Variants in MTCL2 observed in about 807,000 individuals in gnomAD.
MTCL2 encodes the protein microtubule crosslinking factor 2.
the MTCL2 span, among the ~76,000 whole-genome samples, chr20:36,799,624 A>G: frequency 6.6e-6 from 1 of 152,076 alleles, no homozygotes; most frequent in African/African-American, 2.4e-5. Context: ...CGGAGGTTGC[A>G]GTGAGCTGAG....
At chr20:36,838,893 C>T in the MTCL2 span, among the ~76,000 whole-genome samples, 46 of 151,892 alleles carry the variant, frequency 3.0e-4, no homozygotes, top group African/African-American at 1.0e-3. Context: ...CGCTTGATCC[C>T]GGGAGGCAGA....
the MTCL2 span, among the ~76,000 whole-genome samples, chr20:36,859,348 G>A: frequency 6.6e-6 from 1 of 152,246 alleles, no homozygotes; most frequent in South Asian, 2.1e-4. Context: ...GTGTCTGCTC[G>A]GCAGCTAAAG....
At chr20:36,850,888 A>G in the MTCL2 span, among the ~76,000 whole-genome samples, 1 of 152,244 alleles carries the variant, frequency 6.6e-6, no homozygotes, top group South Asian at 2.1e-4. Flanking sequence ...GATGAAAAGG[A>G]AAGAACTGCT....
the MTCL2 span, among the ~76,000 whole-genome samples, chr20:36,826,340 TCCCTCCCCCTC>T: frequency 4.1e-3 from 2 of 486 alleles, no homozygotes; most frequent in Non-Finnish European, 6.6e-3. Flanking sequence ...CCTCCCCCTC[TCCCTCCCCCTC>T]CCCCCTCCCC....
the MTCL2 span, among the ~76,000 whole-genome samples, chr20:36,856,124 T>C: frequency 5.9e-5 from 9 of 152,120 alleles, no homozygotes; most frequent in African/African-American, 2.2e-4. Context: ...CCCTCCAGCT[T>C]TTCCGTTTCA....
At chr20:36,810,086 G>A in the MTCL2 span, 1 of 1,597,778 alleles carries the variant, frequency 6.3e-7, no homozygotes, top group Non-Finnish European at 8.5e-7. Flanking sequence ...GCCTCAGCCA[G>A]CACCAGCTGC....
At chr20:36,805,766 G>A in the MTCL2 span, 1 of 1,169,354 alleles carries the variant, frequency 8.6e-7, no homozygotes, top group Non-Finnish European at 1.2e-6. Flanking sequence ...TCCAGGAATG[G>A]GGTCAGAGAA....
chr20:36,798,633 C>T, the MTCL2 span, among the ~76,000 whole-genome samples: 1 of 152,228 alleles, frequency 6.6e-6, no homozygotes, highest in African/African-American at 2.4e-5. Context: ...GCCCAAAAGG[C>T]AGACCCCTTG....
At chr20:36,860,145 C>G in the MTCL2 span, among the ~76,000 whole-genome samples, 343 of 152,230 alleles carry the variant, frequency 2.3e-3, 11 homozygotes, top group South Asian at 0.047. Context: ...TCCTCTCTTA[C>G]CCACACTCCT....
chr20:36,815,511 A>G, the MTCL2 span: 4 of 1,581,218 alleles, frequency 2.5e-6, no homozygotes, highest in Non-Finnish European at 3.4e-6. The surrounding 1 kb of genome is among the most constrained non-coding windows in gnomAD (Gnocchi z 5.3). Flanking sequence ...GGCTCTGCAG[A>G]GTCGGACCGC....
chr20:36,825,353 G>A, the MTCL2 span, among the ~76,000 whole-genome samples: 160 of 152,328 alleles, frequency 1.1e-3, 1 homozygote, highest in Non-Finnish European at 2.0e-3. Context: ...CACCATGTCC[G>A]TGGGAAGGCT....
chr20:36,831,055 A>G, the MTCL2 span, among the ~76,000 whole-genome samples: 1 of 152,100 alleles, frequency 6.6e-6, no homozygotes, highest in African/African-American at 2.4e-5. Context: ...TAGCAACAGC[A>G]CCCCATTCCT....
At chr20:36,859,798 G>C in the MTCL2 span, 1 of 1,231,692 alleles carries the variant, frequency 8.1e-7, no homozygotes, top group East Asian at 3.2e-5. Flanking sequence ...ACATACTGGG[G>C]ATTTGGAGTC....
At chr20:36,850,151 C>T in the MTCL2 span, among the ~76,000 whole-genome samples, 3 of 152,192 alleles carry the variant, frequency 2.0e-5, no homozygotes, top group East Asian at 3.9e-4. Context: ...GGCTCAGGGG[C>T]GGGGAGCTGG....
At chr20:36,855,518 G>A in the MTCL2 span, among the ~76,000 whole-genome samples, 30 of 152,170 alleles carry the variant, frequency 2.0e-4, no homozygotes, top group African/African-American at 7.0e-4. Flanking sequence ...AGTTCCTTCC[G>A]GCACCAAGGG....
the MTCL2 span, among the ~76,000 whole-genome samples, chr20:36,811,584 C>G: frequency 6.6e-6 from 1 of 151,132 alleles, no homozygotes; most frequent in Non-Finnish European, 1.5e-5. Context: ...GAGCCAAGAT[C>G]GCACTACTGC....
chr20:36,827,022 C>CTTTATTTATTTATTTA, the MTCL2 span, among the ~76,000 whole-genome samples: 2 of 144,216 alleles, frequency 1.4e-5, no homozygotes, highest in African/African-American at 2.6e-5. Context: ...TATCATCCTG[C>CTTTATTTATTTATTTA]TTTATTTATT....
the MTCL2 span, chr20:36,815,660 G>A: frequency 1.7e-5 from 28 of 1,607,630 alleles, no homozygotes; most frequent in Non-Finnish European, 2.3e-5. The surrounding 1 kb of genome is among the most constrained non-coding windows in gnomAD (Gnocchi z 5.3). Context: ...GGAGCACGCG[G>A]TTCTCGTACT....
chr20:36,817,367 T>C, the MTCL2 span: 1 of 1,539,844 alleles, frequency 6.5e-7, no homozygotes, highest in Admixed American at 2.1e-5. Flanking sequence ...GGCTCAGGTC[T>C]TCAGAATAAA....
Sources: gnomAD v4.1 joint callset for allele counts (sites outside exome capture counted in the v4.1 genomes callset) on GRCh38, gnomAD v4.1.1 for gene constraint, Gnocchi (gnomAD v3.1) non-coding constraint, MANE v1.5 for transcripts, NCBI Gene and HGNC (gene_info 2026-07-23, HGNC 2026-07-21) for gene names.